Variants in LIPC observed in about 807,000 individuals in gnomAD.
LIPC encodes hepatic triacylglycerol lipase.
In LIPC, 44 loss-of-function variants were observed where a neutral mutation model predicts 50.7. The ratio of observed to expected loss-of-function variants is 0.87; its 90% CI spans 0.68 to 1.11. The LOEUF (loss-of-function observed/expected upper bound fraction) is 1.11. Ranked by LOEUF, LIPC falls within the 50% of genes most tolerant of loss-of-function variation. The pLI is 0.00. For synonymous variants in LIPC, 271 were observed against 256.4 expected (o/e 1.06, Z -0.54); for missense variants, 697 against 648.2 (o/e 1.08, Z -0.82).
At chr15:58,472,270 C>CAAAAAAA (rs35901617) in intron 1 of LIPC, among the ~76,000 whole-genome samples, 1 of 87,650 alleles carries the variant, frequency 1.1e-5, no homozygotes, top group Non-Finnish European at 2.1e-5. Context: ...CATTTGGTCT[C>CAAAAAAA]AAAAAAAAAA....
intron 1 of LIPC, among the ~76,000 whole-genome samples, chr15:58,525,678 G>A (rs552096802): frequency 6.6e-6 from 1 of 151,892 alleles, no homozygotes; most frequent in South Asian, 2.1e-4. Flanking sequence ...CTTCCTGGAG[G>A]TTTGGACTTT....
intron 1 of LIPC, among the ~76,000 whole-genome samples, chr15:58,476,107 T>A (rs1310683310): frequency 6.6e-6 from 1 of 152,222 alleles, no homozygotes; most frequent in African/African-American, 2.4e-5. Flanking sequence ...TTTGTCCCCA[T>A]TTTACAGAAA....
At chr15:58,499,125 G>A (rs1246567957) in intron 1 of LIPC, among the ~76,000 whole-genome samples, 1 of 152,184 alleles carries the variant, frequency 6.6e-6, no homozygotes, top group Non-Finnish European at 1.5e-5. Context: ...ACAGGCTGGG[G>A]CAGGGCGAGA....
At chr15:58,442,151 G>A (rs1392321929) in intron 1 of LIPC, among the ~76,000 whole-genome samples, 1 of 152,166 alleles carries the variant, frequency 6.6e-6, no homozygotes, top group Non-Finnish European at 1.5e-5. Flanking sequence ...GAGTAATAGT[G>A]TCCCTTCCAC....
chr15:58,438,861 G>T (rs1448116582), intron 1 of LIPC, among the ~76,000 whole-genome samples: 2 of 152,208 alleles, frequency 1.3e-5, no homozygotes, highest in African/African-American at 4.8e-5. Flanking sequence ...CCACTTAGGG[G>T]TCTATTTCCA....
chr15:58,555,964 G>A (rs1373722860), intron 6 of LIPC, among the ~76,000 whole-genome samples: 2 of 152,154 alleles, frequency 1.3e-5, no homozygotes, highest in African/African-American at 2.4e-5. Context: ...AATCGACAAG[G>A]GAGCCCGGCA....
chr15:58,548,540 T>C lies in LIPC; in HGVS notation c.1019T>C (p.Phe340Ser), dbSNP rs147595392. 6.3e-7 allele frequency: 1 copy of C among 1,596,340 alleles called. No individual in the cohort carries two copies. The highest frequency in any genetic ancestry group is 1.1e-5 in the South Asian group (1 of 88,764). The stretch of plus-strand genomic sequence containing the variant: ...CCGCGGAGCAAGAGCAAGAGGCTCT[T>C]CCTCGTAACGCGAGCCCAGTCCCCC... ...QEPRSKSKRL[F>S]LVTRAQSPFK... Residue 340 changes from phenylalanine (F) to serine (S), a missense_variant, in exon 6 of 9, where the codon TTC (phenylalanine) becomes TCC (serine). Coordinates refer to ENST00000299022, the MANE Select transcript of LIPC (RefSeq NM_000236.3).
chr15:58,468,002 A>G (rs767922202), intron 1 of LIPC, among the ~76,000 whole-genome samples: 1 of 152,196 alleles, frequency 6.6e-6, no homozygotes, highest in African/African-American at 2.4e-5. Context: ...TCTGTAAAAT[A>G]ATAGGACCCA....
intron 1 of LIPC, among the ~76,000 whole-genome samples, chr15:58,480,326 G>A (rs1385817775): frequency 1.3e-5 from 2 of 151,976 alleles, no homozygotes; most frequent in African/African-American, 2.4e-5. Flanking sequence ...ATGGAGTCTC[G>A]CTTTGTCACC....
Position 58,499,665 on chromosome 15 carries a change from C to T in LIPC, c.89-38668C>T, listed in dbSNP as rs923524423. Among the ~76,000 whole-genome samples, 12 of 152,290 alleles carry T rather than the reference C, an allele frequency of 7.9e-5. No homozygotes were observed. In the East Asian group the frequency reaches 1.9e-3, roughly 25 times the overall value. ...CCTAGGAACTGGTCCCTGTGTCTCT[C>T]CTGGGGGGATCCATTTCTTATCCAG... On this transcript the variant is annotated intron_variant, in intron 1 of 8. Coordinates refer to ENST00000299022, the MANE Select transcript of LIPC (RefSeq NM_000236.3).
intron 1 of LIPC, among the ~76,000 whole-genome samples, chr15:58,451,708 G>A (rs1461052345): frequency 1.3e-5 from 2 of 152,206 alleles, no homozygotes; most frequent in Admixed American, 1.3e-4. Context: ...CTCCTTTGGA[G>A]GAGGAGATGC....
intron 1 of LIPC, among the ~76,000 whole-genome samples, chr15:58,451,750 C>T (rs202025170): frequency 5.9e-5 from 9 of 152,104 alleles, no homozygotes; most frequent in Non-Finnish European, 1.3e-4. Flanking sequence ...CTGTGAGGCA[C>T]GAGGATGAGC....
Position 58,436,429 on chromosome 15 carries a change from T to G in LIPC, c.88+4309T>G, listed in dbSNP as rs1893299066. ...AACATCTTGTTTGATAGGTAAAAAT[T>G]TGGACTCATACGAAAAATATTTTTA... On this transcript the variant is annotated intron_variant, in intron 1 of 8. Transcript: ENST00000299022. 2.9e-5 allele frequency: 7 copies of G among 243,922 alleles called. 1 individual carries two copies. The South Asian group carries it at 3.3e-4, about 12-fold the overall frequency. The allele number at this position is 243,922 out of a possible 1,614,324, so 15.1% of individuals were successfully genotyped here. A position where few individuals can be genotyped will look rare whatever the true frequency, so the allele number is the denominator to read the frequency against.
chr15:58,508,307 A>G (rs149651338), intron 1 of LIPC, among the ~76,000 whole-genome samples: 1 of 152,242 alleles, frequency 6.6e-6, no homozygotes, highest in African/African-American at 2.4e-5. Context: ...TCAAAGCACC[A>G]TATTTTGGGG....
Position 58,537,383 on chromosome 15 carries a change from C to T in LIPC, c.89-950C>T, listed in dbSNP as rs543362569. Among the ~76,000 whole-genome samples, 15 of 152,348 alleles carry T rather than the reference C, an allele frequency of 9.8e-5. 1 individual carries two copies. The South Asian group carries it at 3.1e-3, about 32-fold the overall frequency. On this transcript the variant is annotated intron_variant, in intron 1 of 8. Transcript: ENST00000299022. ...GAGGCTGGAAGGCCCTTCGGTCAAACAACAGAAGGTGATATGTTAAAAACA... is the reference window on the plus strand; with the variant it reads ...GAGGCTGGAAGGCCCTTCGGTCAAATAACAGAAGGTGATATGTTAAAAACA...
chr15:58,541,636 G>A (rs1196676210), intron 2 of LIPC, 149 bp from the exon 3 acceptor site: 1 of 804,654 alleles, frequency 1.2e-6, no homozygotes, highest in East Asian at 2.7e-5. Flanking sequence ...CCCACAACAA[G>A]GAATTCTCTG....
intron 1 of LIPC, among the ~76,000 whole-genome samples, chr15:58,470,769 T>C (rs1260766972): frequency 6.6e-6 from 1 of 152,044 alleles, no homozygotes; most frequent in Non-Finnish European, 1.5e-5. Flanking sequence ...ACAGCTAATT[T>C]TTATATTTTT....
chr15:58,562,811 C>G (rs947909378), intron 7 of LIPC, among the ~76,000 whole-genome samples: 1 of 151,614 alleles, frequency 6.6e-6, no homozygotes, highest in African/African-American at 2.4e-5. Flanking sequence ...AGGGACCCCC[C>G]CCCAACCCCA....
chr15:58,453,706 G>C (rs551107063), intron 1 of LIPC, among the ~76,000 whole-genome samples: 1 of 152,064 alleles, frequency 6.6e-6, no homozygotes, highest in East Asian at 1.9e-4. Context: ...GTCAAGACCA[G>C]CCTGGGCAAT....
Sources: gnomAD v4.1 joint callset for allele counts (sites outside exome capture counted in the v4.1 genomes callset) on GRCh38, gnomAD v4.1.1 for gene constraint, MANE v1.5 for transcripts, NCBI Gene and HGNC (gene_info 2026-07-23, HGNC 2026-07-21) for gene names.